HS2ST1: variants seen among roughly 807,000 people sequenced by gnomAD.
The protein encoded by HS2ST1 is heparan sulfate 2-O-sulfotransferase 1.
A neutral mutation model predicts 42.9 loss-of-function variants in HS2ST1; 18 were observed. The ratio of observed to expected loss-of-function variants is 0.42; its 90% CI spans 0.29 to 0.62. HS2ST1 has a LOEUF of 0.62. Among genes scored for constraint, HS2ST1 ranks in the 20% least tolerant of loss-of-function variants. The pLI, the probability that HS2ST1 is intolerant of heterozygous loss-of-function variation, is 0.21. For synonymous variants in HS2ST1, 146 were observed against 152.9 expected (o/e 0.95, Z 0.33); for missense variants, 334 against 433.8 (o/e 0.77, Z 2.04).
At chr1:86,967,422 A>T (rs1430240410) in intron 1 of HS2ST1, among the ~76,000 whole-genome samples, 2 of 152,114 alleles carry the variant, frequency 1.3e-5, no homozygotes, top group Non-Finnish European at 2.9e-5. Flanking sequence ...TGTACCCAAT[A>T]TGTAGTCTTT....
chr1:87,059,774 G>A (rs1167602030), intron 1 of HS2ST1, among the ~76,000 whole-genome samples: 1 of 152,184 alleles, frequency 6.6e-6, no homozygotes, highest in Non-Finnish European at 1.5e-5. Context: ...TGCTCTGGGA[G>A]TTTCATTCCC....
At chr1:87,104,412 C>A in intron 6 of HS2ST1, 58 bp from the exon 7 acceptor site, 1 of 1,095,926 alleles carries the variant, frequency 9.1e-7, no homozygotes, top group Non-Finnish European at 1.4e-6. Flanking sequence ...AGGCATTGAT[C>A]TTTTGTGTGT....
At chr1:87,100,497 T>G (rs987547753) in intron 5 of HS2ST1, among the ~76,000 whole-genome samples, 2 of 152,176 alleles carry the variant, frequency 1.3e-5, no homozygotes, top group African/African-American at 4.8e-5. Flanking sequence ...GCCTGGAAGA[T>G]CTCTGAAATG....
At chr1:87,037,958 G>A (rs1368251139) in intron 1 of HS2ST1, among the ~76,000 whole-genome samples, 1 of 151,890 alleles carries the variant, frequency 6.6e-6, no homozygotes, top group African/African-American at 2.4e-5. Flanking sequence ...ATACATTCAA[G>A]CAAATGTTTT....
intron 1 of HS2ST1, among the ~76,000 whole-genome samples, chr1:87,009,618 G>A (rs1649538323): frequency 6.6e-6 from 1 of 152,120 alleles, no homozygotes; most frequent in Non-Finnish European, 1.5e-5. Flanking sequence ...AATTTTAGTG[G>A]CTTATTTGTT....
intron 1 of HS2ST1, among the ~76,000 whole-genome samples, chr1:87,065,580 G>A (rs114174958): frequency 6.6e-6 from 1 of 152,272 alleles, no homozygotes; most frequent in South Asian, 2.1e-4. Context: ...AGACCCCCTT[G>A]CCTGTGGTTG....
chr1:86,979,883 T>A (rs1348801762), intron 1 of HS2ST1, among the ~76,000 whole-genome samples: 1 of 152,212 alleles, frequency 6.6e-6, no homozygotes, highest in Non-Finnish European at 1.5e-5. Flanking sequence ...TTTTCTTTCT[T>A]TTTTTAGTAG....
At chr1:86,983,653 A>T (rs987637096) in intron 1 of HS2ST1, among the ~76,000 whole-genome samples, 1 of 152,144 alleles carries the variant, frequency 6.6e-6, no homozygotes, top group African/African-American at 2.4e-5. Flanking sequence ...GAAAGAGTAC[A>T]TCTTAGCACA....
At chr1:87,085,930 G>C (rs1193969955) in intron 3 of HS2ST1, among the ~76,000 whole-genome samples, 1 of 152,094 alleles carries the variant, frequency 6.6e-6, no homozygotes, top group South Asian at 2.1e-4. Context: ...ATTTTTAAGC[G>C]TTTGAATATT....
chr1:87,091,096 A>C (rs1651927948), intron 3 of HS2ST1, among the ~76,000 whole-genome samples: 1 of 152,032 alleles, frequency 6.6e-6, no homozygotes, highest in Admixed American at 6.6e-5. Flanking sequence ...TCCCAAGTAG[A>C]ATGTTAGCTC....
At chr1:87,057,065 A>G (rs1057006503) in intron 1 of HS2ST1, among the ~76,000 whole-genome samples, 19 of 152,242 alleles carry the variant, frequency 1.2e-4, no homozygotes, top group Admixed American at 7.2e-4. Flanking sequence ...ATGAAAATCC[A>G]GTTGTCTTCT....
intron 1 of HS2ST1, among the ~76,000 whole-genome samples, chr1:86,962,380 C>T (rs905691088): frequency 2.0e-5 from 3 of 151,584 alleles, no homozygotes; most frequent in Non-Finnish European, 2.9e-5. Context: ...AGTTTGTACA[C>T]GGATGATTAA....
At chr1:86,983,667 A>G (rs1648665466) in intron 1 of HS2ST1, among the ~76,000 whole-genome samples, 1 of 152,144 alleles carries the variant, frequency 6.6e-6, no homozygotes, top group Non-Finnish European at 1.5e-5. Flanking sequence ...TAGCACAACA[A>G]TACGGTATAT....
At chr1:87,090,904 C>G (rs1320587729) in intron 3 of HS2ST1, among the ~76,000 whole-genome samples, 1 of 152,000 alleles carries the variant, frequency 6.6e-6, no homozygotes, top group Non-Finnish European at 1.5e-5. Flanking sequence ...CACTTTCTCA[C>G]AGATGTTTGC....
intron 1 of HS2ST1, among the ~76,000 whole-genome samples, chr1:86,980,085 GA>G (rs1371502574): frequency 1.3e-5 from 2 of 152,176 alleles, no homozygotes; most frequent in African/African-American, 4.8e-5. Context: ...TCTAAAAAGA[GA>G]ATTGCTAAAT....
intron 1 of HS2ST1, among the ~76,000 whole-genome samples, chr1:87,023,894 T>C (rs916011280): frequency 6.6e-6 from 1 of 152,142 alleles, no homozygotes; most frequent in Non-Finnish European, 1.5e-5. Flanking sequence ...ATGCCGCCAC[T>C]GGGACATATC....
intron 1 of HS2ST1, among the ~76,000 whole-genome samples, chr1:87,007,358 T>C (rs546238612): frequency 6.6e-6 from 1 of 152,246 alleles, no homozygotes; most frequent in African/African-American, 2.4e-5. Flanking sequence ...TCCTAACATA[T>C]GATTAAAAAT....
intron 1 of HS2ST1, among the ~76,000 whole-genome samples, chr1:86,981,481 TA>T (rs1648589627): frequency 6.6e-6 from 1 of 152,166 alleles, no homozygotes; most frequent in Non-Finnish European, 1.5e-5. Flanking sequence ...ACAAACAAGT[TA>T]GTTATTTCCA....
intron 1 of HS2ST1, among the ~76,000 whole-genome samples, chr1:87,061,273 G>A (rs1300500955): frequency 6.6e-6 from 1 of 151,954 alleles, no homozygotes; most frequent in Non-Finnish European, 1.5e-5. Flanking sequence ...ACATAAGTTA[G>A]CCATTTTACA....
Sources: gnomAD v4.1 joint callset for allele counts (sites outside exome capture counted in the v4.1 genomes callset) on GRCh38, gnomAD v4.1.1 for gene constraint, MANE v1.5 for transcripts, NCBI Gene and HGNC (gene_info 2026-07-23, HGNC 2026-07-21) for gene names.